The following EPHA5 variants were observed in gnomAD, a reference collection of about 807,000 sequenced individuals.
The protein encoded by EPHA5 is ephrin type-A receptor 5.
A neutral mutation model predicts 105.0 loss-of-function variants in EPHA5; 60 were observed. That is an observed-to-expected ratio of 0.57 (90% CI 0.46 to 0.71). The LOEUF is 0.71. Among genes scored for constraint, EPHA5 ranks in the 30% least tolerant of loss-of-function variants. The probability of loss-of-function intolerance (pLI) is 0.00; values close to 1 mark genes in which losing one functional copy is unlikely to be tolerated. For synonymous variants in EPHA5, 513 were observed against 449.1 expected (o/e 1.14, Z -1.80); for missense variants, 1,218 against 1,274.7 (o/e 0.96, Z 0.68).
At chr4:65,348,457 C>T (rs764327037) in intron 13 of EPHA5, among the ~76,000 whole-genome samples, 9 of 151,632 alleles carry the variant, frequency 5.9e-5, no homozygotes, top group Non-Finnish European at 1.0e-4. Flanking sequence ...TTACAGTCCT[C>T]AGTATAGCAG....
chr4:65,639,998 T>C (rs1002291718), intron 2 of EPHA5, among the ~76,000 whole-genome samples: 5 of 152,220 alleles, frequency 3.3e-5, no homozygotes, highest in Non-Finnish European at 7.3e-5. Flanking sequence ...TCTTTACACA[T>C]ATTTTCCCTT....
At chr4:65,425,016 G>A (rs2149047514) in intron 5 of EPHA5, among the ~76,000 whole-genome samples, 1 of 151,950 alleles carries the variant, frequency 6.6e-6, no homozygotes, top group African/African-American at 2.4e-5. Flanking sequence ...ATTATAAATA[G>A]AATCAAGTAT....
intron 5 of EPHA5, among the ~76,000 whole-genome samples, chr4:65,425,038 A>G (rs1724293584): frequency 6.6e-6 from 1 of 152,120 alleles, no homozygotes. Flanking sequence ...GGTTACTTGT[A>G]TTTAAAAAAA....
intron 6 of EPHA5, among the ~76,000 whole-genome samples, chr4:65,416,421 C>T (rs1444411816): frequency 6.6e-6 from 1 of 152,052 alleles, no homozygotes; most frequent in Non-Finnish European, 1.5e-5. Flanking sequence ...GTAATCTCTA[C>T]AAAATAGGTT....
intron 2 of EPHA5, among the ~76,000 whole-genome samples, chr4:65,609,883 C>CAT (rs200136808): frequency 2.2e-3 from 339 of 151,710 alleles, no homozygotes; most frequent in Non-Finnish European, 3.7e-3. Flanking sequence ...ACCCAAAAAG[C>CAT]ATATATATAG....
chr4:65,490,841 G>C (rs1190882991), intron 4 of EPHA5, 129 bp from the exon 5 acceptor site: 2 of 1,024,162 alleles, frequency 2.0e-6, no homozygotes, highest in African/African-American at 3.3e-5. Flanking sequence ...ATAATTTGTA[G>C]TTTTGTTTTC....
chr4:65,524,830 C>A (rs1735080693), intron 3 of EPHA5, among the ~76,000 whole-genome samples: 2 of 151,576 alleles, frequency 1.3e-5, no homozygotes, highest in African/African-American at 4.8e-5. Flanking sequence ...CAGCTGAAAC[C>A]TGAGTATATA....
chr4:65,558,561 A>C (rs967746829), intron 3 of EPHA5, among the ~76,000 whole-genome samples: 4 of 152,046 alleles, frequency 2.6e-5, no homozygotes, highest in Non-Finnish European at 5.9e-5. Context: ...TTTTAATTAT[A>C]CTTTAAGTTT....
At chr4:65,396,133 G>C (rs757787970) in intron 8 of EPHA5, among the ~76,000 whole-genome samples, 1 of 152,132 alleles carries the variant, frequency 6.6e-6, no homozygotes, top group African/African-American at 2.4e-5. Flanking sequence ...CTGGCCTCTC[G>C]CTGCTACTGG....
intron 5 of EPHA5, among the ~76,000 whole-genome samples, chr4:65,469,889 G>T (rs1729118464): frequency 6.6e-6 from 1 of 151,982 alleles, no homozygotes; most frequent in South Asian, 2.1e-4. Flanking sequence ...ATACACTACT[G>T]TGTGCGCACA....
At chr4:65,647,525 T>C (rs1748228991) in intron 1 of EPHA5, among the ~76,000 whole-genome samples, 1 of 151,994 alleles carries the variant, frequency 6.6e-6, no homozygotes, top group South Asian at 2.1e-4. Context: ...TTGTCGTAAA[T>C]TGCAATGAAT....
At chr4:65,528,460 G>A (rs1436220326) in intron 3 of EPHA5, among the ~76,000 whole-genome samples, 1 of 151,336 alleles carries the variant, frequency 6.6e-6, no homozygotes, top group Non-Finnish European at 1.5e-5. Flanking sequence ...CTATCCTTAA[G>A]AGAAAAAAAA....
chr4:65,405,471 A>C (rs1722271533), intron 7 of EPHA5, among the ~76,000 whole-genome samples: 1 of 152,120 alleles, frequency 6.6e-6, no homozygotes, highest in Non-Finnish European at 1.5e-5. Context: ...ACCCCATACC[A>C]GATGTTGGTC....
At chr4:65,626,098 C>T (rs570345391) in intron 2 of EPHA5, among the ~76,000 whole-genome samples, 35,761 of 85,700 alleles carry the variant, frequency 0.42, 5,155 homozygotes, top group Middle Eastern at 0.5. Context: ...GACACTCCGT[C>T]TCAAAAAAAA....
chr4:65,543,396 T>A (rs1210593720), intron 3 of EPHA5, among the ~76,000 whole-genome samples: 1 of 151,968 alleles, frequency 6.6e-6, no homozygotes, highest in Non-Finnish European at 1.5e-5. Flanking sequence ...AAAATCCATA[T>A]GCAAAAATCA....
At chr4:65,565,632 A>C (rs1739456266) in intron 3 of EPHA5, among the ~76,000 whole-genome samples, 1 of 151,560 alleles carries the variant, frequency 6.6e-6, no homozygotes, top group Non-Finnish European at 1.5e-5. Flanking sequence ...CTTTCAGCAA[A>C]TTTAGAAAAT....
intron 3 of EPHA5, among the ~76,000 whole-genome samples, chr4:65,521,721 T>C (rs1734743776): frequency 6.6e-6 from 1 of 152,040 alleles, no homozygotes; most frequent in Admixed American, 6.6e-5. Context: ...GTCCTAATCA[T>C]TTGAGTCAGT....
At chr4:65,446,911 A>T (rs1261341076) in intron 5 of EPHA5, among the ~76,000 whole-genome samples, 2 of 152,128 alleles carry the variant, frequency 1.3e-5, no homozygotes, top group Non-Finnish European at 2.9e-5. Context: ...TCTAAGACCA[A>T]CTGGTTATAT....
At chr4:65,423,624 G>A (rs1724140530) in intron 5 of EPHA5, among the ~76,000 whole-genome samples, 2 of 150,312 alleles carry the variant, frequency 1.3e-5, no homozygotes, top group South Asian at 2.1e-4. Flanking sequence ...CTCTTTCAGA[G>A]CTCCTATGTC....
Sources: allele counts gnomAD v4.1 joint callset (sites outside exome capture counted in the v4.1 genomes callset), GRCh38; gene constraint gnomAD v4.1.1; transcripts MANE v1.5; gene names NCBI Gene and HGNC (gene_info 2026-07-23, HGNC 2026-07-21).